The following MAGT1 variants were observed in gnomAD, a reference collection of about 807,000 sequenced individuals.
The protein encoded by MAGT1 is dolichyl-diphosphooligosaccharide--protein glycosyltransferase subunit MAGT1.
Under a neutral mutation model 28.4 loss-of-function variants are expected in MAGT1, and 4 were observed. That is an observed-to-expected ratio of 0.14 (90% CI 0.07 to 0.32). The LOEUF (loss-of-function observed/expected upper bound fraction) is 0.32, where lower values mean the gene tolerates loss of function less well. Among genes scored for constraint, MAGT1 ranks in the 10% least tolerant of loss-of-function variants. The pLI, the probability that MAGT1 is intolerant of heterozygous loss-of-function variation, is 1.00. For synonymous variants in MAGT1, 89 were observed against 89.7 expected (o/e 0.99, Z 0.04); for missense variants, 193 against 264.5 (o/e 0.73, Z 1.88).
chrX:77,843,363 A>G (rs1239117682), intron 7 of MAGT1, among the ~76,000 whole-genome samples: 5 of 111,492 alleles, frequency 4.5e-5, no homozygotes, highest in Non-Finnish European at 7.5e-5. Context: ...CAGCCTCCTG[A>G]GTATCTAGGA....
intron 7 of MAGT1, among the ~76,000 whole-genome samples, chrX:77,846,850 G>T (rs1557214991): frequency 8.9e-6 from 1 of 111,914 alleles, no homozygotes; most frequent in South Asian, 3.7e-4. Flanking sequence ...CCTACTGGGG[G>T]ATGCCTCCCA....
intron 2 of MAGT1, among the ~76,000 whole-genome samples, chrX:77,871,141 G>A (rs1157556456): frequency 9.0e-6 from 1 of 111,592 alleles, no homozygotes; most frequent in Admixed American, 9.7e-5. Flanking sequence ...GGGATTTCAT[G>A]AGAAGTAGTA....
intron 1 of MAGT1, among the ~76,000 whole-genome samples, chrX:77,888,300 TA>T (rs1434581967): frequency 6.3e-5 from 7 of 111,223 alleles, no homozygotes; most frequent in Non-Finnish European, 1.3e-4. Context: ...ACCATTCAAA[TA>T]AAACAAAAAT....
chrX:77,889,443 C>T (rs2077076158), intron 1 of MAGT1, among the ~76,000 whole-genome samples: 1 of 105,601 alleles, frequency 9.5e-6, no homozygotes, highest in Admixed American at 1.0e-4. Flanking sequence ...GCGATCTCGG[C>T]TCACTGCAAG....
chrX:77,895,287 C>G (rs1557219798), intron 1 of MAGT1, 22 bp downstream of exon 1: 1 of 1,207,857 alleles, frequency 8.3e-7, no homozygotes, highest in Non-Finnish European at 1.1e-6. Flanking sequence ...AAAGCCCATG[C>G]TGCTGGAAAC....
In MAGT1 at chrX:77,830,108, T is replaced by G. The variant is rs781783254; in HGVS notation, c.992+697A>C. Among the ~76,000 whole-genome samples the G allele has an allele frequency of 6.2e-5, 7 of 112,250 alleles. No homozygotes were observed. In the South Asian group the frequency reaches 2.6e-3, roughly 41 times the overall value. ...GAGGCTGAGCAGGAGACTCGCTTGA[T>G]GCCAGAAGTTCAAGACCAGCCTGGG... On this transcript the variant is annotated intron_variant, in intron 9 of 9. Coordinates refer to ENST00000618282, the MANE Select transcript of MAGT1 (RefSeq NM_001367916.1).
intron 5 of MAGT1, 52 bp downstream of exon 5, chrX:77,856,681 C>T (rs1026878913): frequency 8.9e-7 from 1 of 1,119,370 alleles, no homozygotes; most frequent in Non-Finnish European, 1.2e-6. Flanking sequence ...CCTAAAAATA[C>T]ACTATTAGGA....
At chrX:77,840,173 G>A (rs1453871541) in intron 8 of MAGT1, among the ~76,000 whole-genome samples, 1 of 105,309 alleles carries the variant, frequency 9.5e-6, no homozygotes, top group Non-Finnish European at 1.9e-5. Context: ...GCTGAGGCAA[G>A]TGGATCACCT....
At chrX:77,863,510 CAA>C (rs782814277) in intron 3 of MAGT1, among the ~76,000 whole-genome samples, 3 of 46,033 alleles carry the variant, frequency 6.5e-5, no homozygotes, top group Admixed American at 2.7e-4. Flanking sequence ...GACTCCGTCT[CAA>C]AAAAAAAAAA....
rs146752646 is a variant in MAGT1, at chrX:77,870,685, T to C, written c.390+123A>G. On this transcript the variant is annotated intron_variant, in intron 3 of 9. Transcript: ENST00000618282. ...GTTAGCTCAAGTTTAACTTTTAGTTTGCTACTCTAGATCTTACATAAGAGC... is the reference window on the plus strand; with the variant it reads ...GTTAGCTCAAGTTTAACTTTTAGTTCGCTACTCTAGATCTTACATAAGAGC... 7,413 of 504,789 alleles carry C rather than the reference T, an allele frequency of 0.015. 56 individuals carry two copies. The highest frequency in any genetic ancestry group is 0.026 in the South Asian group (898 of 33,905). The allele number at this position is 504,789 out of a possible 1,213,427, so 41.6% of individuals were successfully genotyped here.
chrX:77,844,518 ATTTCT>A (rs1346664685), intron 7 of MAGT1, among the ~76,000 whole-genome samples: 1 of 110,212 alleles, frequency 9.1e-6, no homozygotes, highest in Non-Finnish European at 1.9e-5. Flanking sequence ...TTGCTTCTCT[ATTTCT>A]TTTAATTGTG....
intron 7 of MAGT1, among the ~76,000 whole-genome samples, chrX:77,842,336 G>A (rs963735283): frequency 4.6e-5 from 5 of 109,857 alleles, no homozygotes; most frequent in Non-Finnish European, 9.5e-5. Context: ...TGAGGCTGCA[G>A]TTAGCCGTGA....
intron 3 of MAGT1, among the ~76,000 whole-genome samples, chrX:77,863,877 A>C (rs2077001428): frequency 9.0e-6 from 1 of 111,079 alleles, no homozygotes; most frequent in Admixed American, 9.6e-5. Context: ...CAAAAAAATT[A>C]GCCAGGCGTG....
intron 3 of MAGT1, among the ~76,000 whole-genome samples, chrX:77,859,859 T>G (rs2045935845): frequency 9.1e-6 from 1 of 109,447 alleles, no homozygotes; most frequent in Admixed American, 9.9e-5. Flanking sequence ...ACAGTGAGAC[T>G]CTGTCTTTAA....
At chrX:77,862,984 T>C (rs1377062836) in intron 3 of MAGT1, among the ~76,000 whole-genome samples, 1 of 108,166 alleles carries the variant, frequency 9.2e-6, no homozygotes, top group African/African-American at 3.4e-5. Context: ...CTGGCCAACA[T>C]GGTGAAACCC....
At chrX:77,884,139 G>C (rs1361883731) in intron 1 of MAGT1, among the ~76,000 whole-genome samples, 1 of 111,766 alleles carries the variant, frequency 8.9e-6, no homozygotes, top group South Asian at 3.7e-4. Context: ...GTTGCAGTGA[G>C]CTGAGACTGC....
intron 4 of MAGT1, 85 bp from the exon 5 acceptor site, chrX:77,856,958 A>G: frequency 1.1e-6 from 1 of 886,170 alleles, no homozygotes; most frequent in Non-Finnish European, 1.6e-6. Context: ...AAATGAAAGC[A>G]ATCAAAATTA....
intron 7 of MAGT1, among the ~76,000 whole-genome samples, chrX:77,842,104 C>T (rs943059560): frequency 7.8e-4 from 86 of 110,167 alleles, no homozygotes; most frequent in African/African-American, 2.8e-3. Context: ...TCTGAAAAAT[C>T]TCTCCTGGCC....
At chrX:77,893,741 A>T (rs1415200387) in intron 1 of MAGT1, among the ~76,000 whole-genome samples, 1 of 111,550 alleles carries the variant, frequency 9.0e-6, no homozygotes. Context: ...CAAAAAGATA[A>T]AAAAGTAGCC....
Sources: allele counts gnomAD v4.1 joint callset (sites outside exome capture counted in the v4.1 genomes callset), GRCh38; gene constraint gnomAD v4.1.1; transcripts MANE v1.5; gene names NCBI Gene and HGNC (gene_info 2026-07-23, HGNC 2026-07-21).